Variants in LAYN observed in about 807,000 individuals in gnomAD.
The protein encoded by LAYN is layilin.
LAYN carries 38 observed loss-of-function variants against 43.6 expected under a neutral mutation model. That is an observed-to-expected ratio of 0.87 (90% confidence interval 0.67 to 1.14). The LOEUF is 1.14. Ranked by LOEUF, LAYN falls within the 50% of genes most tolerant of loss-of-function variation. The pLI is 0.00. For synonymous variants in LAYN, 168 were observed against 172.9 expected (o/e 0.97, Z 0.22); for missense variants, 479 against 463.8 (o/e 1.03, Z -0.30).
upstream of LAYN, chr11:111,540,291 AGGCGTC>A (rs1867504609): frequency 6.4e-6 from 1 of 155,632 alleles, no homozygotes; most frequent in Non-Finnish European, 1.4e-5. Flanking sequence ...TTCCCTGCTC[AGGCGTC>A]GCCCTTCGTG....
Position 111,555,205 on chromosome 11 carries a change from A to T in LAYN, c.575-2A>T. 1 of 1,610,120 alleles carries T rather than the reference A, an allele frequency of 6.2e-7. No individual in the cohort carries two copies. The highest frequency in any genetic ancestry group is 1.1e-5 in the South Asian group (1 of 90,930). Reference sequence around the variant, plus strand: ...TTCACAAGTCCATGTGTCTCTCTCCAGGTGAGGAAACAGAGCTGACAACAC... The same window carrying T: ...TTCACAAGTCCATGTGTCTCTCTCCTGGTGAGGAAACAGAGCTGACAACAC... On this transcript the variant is annotated splice_acceptor_variant, in intron 4 of 6. Transcript: ENST00000375614. LOFTEE classifies it high-confidence loss of function.
intron 3 of LAYN, among the ~76,000 whole-genome samples, chr11:111,551,040 G>C (rs1867734756): frequency 6.6e-6 from 1 of 152,146 alleles, no homozygotes; most frequent in African/African-American, 2.4e-5. Flanking sequence ...GTAATAAAAG[G>C]GACATTTGCT....
chr11:111,553,351 C>T (rs1052066675), intron 3 of LAYN, among the ~76,000 whole-genome samples: 12 of 152,108 alleles, frequency 7.9e-5, no homozygotes, highest in African/African-American at 1.4e-4. Flanking sequence ...CAGTGGCTCA[C>T]GCCTGTAATC....
chr11:111,540,792 C>A lies in LAYN; in HGVS notation c.-52C>A. 2 of 1,493,548 alleles carry A rather than the reference C, an allele frequency of 1.3e-6. No individual in the cohort carries two copies. Among genetic ancestry groups the A allele is most frequent in the Admixed American group, 4.2e-5 (2 of 48,022 alleles). 92.5% of individuals were successfully genotyped at this position (1,493,548 alleles called of 1,614,324 possible). A position where few individuals can be genotyped will look rare whatever the true frequency, so the allele number is the denominator to read the frequency against. ...GTCGCGCACGCCTCTGCCCGCCAGC[C>A]CGCTCCACCGCCGTAGCGCCCGAGT... On this transcript the variant is annotated 5_prime_UTR_variant, in exon 1 of 7. Coordinates refer to ENST00000375614, the MANE Select transcript of LAYN (RefSeq NM_178834.5).
rs1468835970 is a variant in LAYN at position 111,560,132 on chromosome 11, C to G, written c.799C>G (p.His267Asp). The change falls in exon 7 of 7, where the codon CAC (histidine) becomes GAC (aspartate). Residue 267 changes from histidine to aspartate, a missense_variant. His to Asp is a moderately conservative substitution (Grantham distance 81). Transcript: ENST00000375614. ...GCCAGACCCTAGCACAAAGAAGCAA[C>G]ACACCATCTGGCCCTCTCCTCACCA... ...EQPDPSTKKQ[H>D]TIWPSPHQGN... The G allele has an allele frequency of 6.2e-7, 1 of 1,613,632 alleles. No homozygotes were observed. Among genetic ancestry groups the G allele is most frequent in the South Asian group, 1.1e-5 (1 of 91,046 alleles).
At chr11:111,541,255 G>C (rs1045085641) in intron 1 of LAYN, 11 of 590,596 alleles carry the variant, frequency 1.9e-5, no homozygotes, top group African/African-American at 1.7e-4. Context: ...CCTTCGGCCC[G>C]CTCCTTTACA....
Position 111,558,783 on chromosome 11 carries a change from A to AATAT in LAYN, c.761+1157_761+1160dup, listed in dbSNP as rs1555018586. 1.0e-3 allele frequency among the ~76,000 whole-genome samples: 145 copies of AATAT among 143,132 alleles called. 1 individual carries two copies. The highest frequency in any genetic ancestry group is 3.4e-3 in the African/African-American group (128 of 37,952). 93.9% of individuals were successfully genotyped at this position (143,132 alleles called of 152,430 possible). Reference sequence around the variant, plus strand: ...TTTTATTTATTATTTTATTTAAAAAAATATATATATATATATATATTTGAG... The same window carrying AATAT: ...TTTTATTTATTATTTTATTTAAAAAAATATATATATATATATATATATATTTGAG... On this transcript the variant is annotated intron_variant, in intron 6 of 6. Transcript: ENST00000375614.
intron 3 of LAYN, among the ~76,000 whole-genome samples, chr11:111,550,205 T>C (rs953548808): frequency 2.0e-5 from 3 of 152,252 alleles, no homozygotes; most frequent in African/African-American, 4.8e-5. Context: ...GGAAGCACGA[T>C]ACATATGTAA....
chr11:111,553,712 C>G, intron 3 of LAYN, among the ~76,000 whole-genome samples: 1 of 92,594 alleles, frequency 1.1e-5, no homozygotes, highest in Non-Finnish European at 2.4e-5. Context: ...TTTACATCAC[C>G]TATACACACA....
In LAYN at chr11:111,554,108, T is replaced by G. The variant is rs908641784; in HGVS notation, c.542-453T>G. The stretch of plus-strand genomic sequence containing the variant: ...TCACTACTTGGAGATCAGTGTTTGT[T>G]GCCCTCTAAAACATCCCCATTATGA... On this transcript the variant is annotated intron_variant, in intron 3 of 6. Coordinates refer to ENST00000375614, the MANE Select transcript of LAYN (RefSeq NM_178834.5). Among the ~76,000 whole-genome samples, 5 of 152,172 alleles carry G rather than the reference T, an allele frequency of 3.3e-5. No individual in the cohort carries two copies. The East Asian group carries it at 5.8e-4, about 18-fold the overall frequency.
intron 5 of LAYN, among the ~76,000 whole-genome samples, chr11:111,555,809 G>A (rs970047372): frequency 1.3e-5 from 2 of 152,152 alleles, no homozygotes; most frequent in African/African-American, 4.8e-5. Flanking sequence ...TTGTCACTGG[G>A]CAACTTTTAA....
At position 111,561,146 on chromosome 11, in the gene LAYN, G is replaced by A. The variant is rs1867950101; in HGVS notation, c.*688G>A. 1 of 152,576 alleles carries A rather than the reference G, an allele frequency of 6.6e-6. No individual in the cohort carries two copies. Among genetic ancestry groups the A allele is most frequent in the Admixed American group, 6.5e-5 (1 of 15,282 alleles). 9.5% of individuals were successfully genotyped at this position (152,576 alleles called of 1,614,324 possible). A position where few individuals can be genotyped will look rare whatever the true frequency, so the allele number is the denominator to read the frequency against. ...AGACCAAGATTGGAGGATAGCTTGA[G>A]TTCAGGAGTTCCAGACCTTCCTGGG... On this transcript the variant is annotated 3_prime_UTR_variant, in exon 7 of 7. Coordinates refer to ENST00000375614, the MANE Select transcript of LAYN (RefSeq NM_178834.5).
Position 111,555,218 on chromosome 11 carries a change from G to C in LAYN, c.586G>C (p.Glu196Gln), listed in dbSNP as rs756983645. 12 of 1,613,546 alleles carry C rather than the reference G, an allele frequency of 7.4e-6. No individual in the cohort carries two copies. The East Asian group carries it at 1.6e-4, about 21-fold the overall frequency. ...PSREAEGEET[E>Q]LTTPVLPEET... ...GTGTCTCTCTCCAGGTGAGGAAACA[G>C]AGCTGACAACACCTGTACTTCCAGA... is the stretch of plus-strand genomic sequence containing the variant. Residue 196 changes from glutamate to glutamine, a missense_variant, in exon 5 of 7, where the codon GAG (glutamate) becomes CAG (glutamine). Physicochemically the swap from Glu to Gln is conservative, Grantham distance 29 (BLOSUM62 2). Transcript: ENST00000375614.
At chr11:111,541,475 G>C in intron 1 of LAYN, 10 of 1,333,878 alleles carry the variant, frequency 7.5e-6, no homozygotes, top group Non-Finnish European at 1.0e-5. Flanking sequence ...TTAGAGATCG[G>C]GAAAGAACTC....
At chr11:111,559,475 T>G (rs756042584) in intron 6 of LAYN, among the ~76,000 whole-genome samples, 5 of 151,822 alleles carry the variant, frequency 3.3e-5, no homozygotes, top group Admixed American at 6.6e-5. Flanking sequence ...TTATTTTATT[T>G]TATTTTTGAG....
At chr11:111,542,870 T>A (rs1172771745) in intron 1 of LAYN, among the ~76,000 whole-genome samples, 3 of 152,176 alleles carry the variant, frequency 2.0e-5, no homozygotes, top group African/African-American at 7.2e-5. Flanking sequence ...ACTCAATAAA[T>A]GTTGATTGAA....
At chr11:111,542,805 T>C (rs905844029) in intron 1 of LAYN, among the ~76,000 whole-genome samples, 1 of 152,210 alleles carries the variant, frequency 6.6e-6, no homozygotes, top group African/African-American at 2.4e-5. Flanking sequence ...GGTTAGGAAG[T>C]AGCTTTTGTT....
intron 5 of LAYN, 91 bp downstream of exon 5, chr11:111,555,381 C>A: frequency 1.1e-6 from 1 of 884,120 alleles, no homozygotes; most frequent in East Asian, 2.6e-5. Context: ...TGTTCTTTCC[C>A]ACAGCTACCT....
rs143930736 is a variant in LAYN at position 111,557,603 on chromosome 11, G to T, written c.721G>T (p.Val241Phe). The stretch of plus-strand genomic sequence containing the variant: ...CATTCCCCTTCTCCTCCTCCTTGTG[G>T]TCACCACAGTTGTATGTTGGGTTTG... ...PSIPLLLLLVVTTVVCWVWIC... is the reference protein window; with the variant it reads ...PSIPLLLLLVFTTVVCWVWIC... The change falls in exon 6 of 7, where the codon GTC becomes TTC. Residue 241 changes from valine (V) to phenylalanine (F), a missense_variant. By Grantham distance (50) the Val-to-Phe change is conservative. Coordinates refer to ENST00000375614, the MANE Select transcript of LAYN (RefSeq NM_178834.5). 3 of 1,614,090 alleles carry T rather than the reference G, an allele frequency of 1.9e-6. No homozygotes were observed. Among genetic ancestry groups the T allele is most frequent in the Non-Finnish European group, 1.7e-6 (2 of 1,180,002 alleles).
Sources: gnomAD v4.1 joint callset for allele counts (sites outside exome capture counted in the v4.1 genomes callset) on GRCh38, gnomAD v4.1.1 for gene constraint, MANE v1.5 for transcripts, NCBI Gene and HGNC (gene_info 2026-07-23, HGNC 2026-07-21) for gene names.